The following PPFIA2 variants were observed in gnomAD, a reference collection of about 807,000 sequenced individuals.
PPFIA2 encodes PPFI scaffold protein A2, also known as liprin-alpha-2.
PPFIA2 carries 46 observed loss-of-function variants against 175.5 expected under a neutral mutation model. The observed-to-expected ratio is 0.26, with a 90% CI of 0.21 to 0.34. PPFIA2 has a LOEUF of 0.34. Among genes scored for constraint, PPFIA2 ranks in the 10% least tolerant of loss-of-function variants. PPFIA2 has a pLI of 1.00. For missense variants in PPFIA2, 1,179 were observed against 1,506.1 expected, an observed-to-expected ratio of 0.78 and a Z score of 3.60; for synonymous variants, 568 against 511.4, an observed-to-expected ratio of 1.11 and a Z score of -1.49.
At chr12:81,728,933 C>T (rs914175349) in intron 3 of PPFIA2, among the ~76,000 whole-genome samples, 2 of 151,344 alleles carry the variant, frequency 1.3e-5, no homozygotes, top group Non-Finnish European at 3.0e-5. Context: ...TAAGGAAATT[C>T]TCAACTCATC....
In PPFIA2 at chr12:81,358,167, A is replaced by G; in HGVS notation, c.1688T>C (p.Val563Ala). The G allele has an allele frequency of 1.3e-6, 2 of 1,596,942 alleles. No individual in the cohort carries two copies. The highest frequency in any genetic ancestry group is 1.7e-6 in the Non-Finnish European group (2 of 1,171,008). ...TGTTCTGTAATCAGACTGGCTGTCC[A>G]CTAGGGATCCCACTGAGTACCGCAA... ...AELRYSVGSL[V>A]DSQSDYRTTK... The change falls in exon 16 of 33, where the codon GTG becomes GCG. Residue 563 changes from valine (V) to alanine (A), a missense_variant. Val to Ala is a moderately conservative substitution (Grantham distance 64, BLOSUM62 0). Around this residue, in one of 10 missense-constraint regions of PPFIA2, gnomAD observed 186 missense variants for 163.6 expected, o/e 1.14. Transcript: ENST00000549396.
chr12:81,268,302 C>T (rs534431621), intron 28 of PPFIA2, among the ~76,000 whole-genome samples: 36 of 151,236 alleles, frequency 2.4e-4, no homozygotes, highest in African/African-American at 8.7e-4. Context: ...CTACGCCCGG[C>T]TAATTTTTTG....
At chr12:81,358,034 C>T (rs11835074) in intron 16 of PPFIA2, 48 bp downstream of exon 16, 378,833 of 1,444,974 alleles carry the variant, frequency 0.26, 57,026 homozygotes, top group African/African-American at 0.61. Flanking sequence ...AAAAATGAAA[C>T]TATGTATTTA....
At chr12:81,445,218 AGG>A (rs796127107) in intron 6 of PPFIA2, among the ~76,000 whole-genome samples, 10,223 of 46,114 alleles carry the variant, frequency 0.22, 285 homozygotes, top group Middle Eastern at 0.32. Flanking sequence ...GGGGGGGGGG[AGG>A]GGGGAGAGAG....
At chr12:81,536,361 T>G (rs2065373063) in intron 4 of PPFIA2, among the ~76,000 whole-genome samples, 1 of 151,614 alleles carries the variant, frequency 6.6e-6, no homozygotes, top group African/African-American at 2.4e-5. Context: ...TCTGAAACTT[T>G]TATGGTGCTT....
In PPFIA2 at chr12:81,582,368, TG is replaced by T. The variant is rs541019762; in HGVS notation, c.303+94422del. Among the ~76,000 whole-genome samples, 25 of 152,004 alleles carry T rather than the reference TG, an allele frequency of 1.6e-4. No individual in the cohort carries two copies. The East Asian group carries it at 4.3e-3, about 26-fold the overall frequency. ...CTATTTTTCACTTAGTAAATTATAT[TG>T]GCAGCATTTCATATTAAATATTTCT... is the stretch of plus-strand genomic sequence containing the variant. On this transcript the variant is annotated intron_variant, in intron 4 of 32. Transcript: ENST00000549396.
chr12:81,701,202 T>A (rs1454217013), intron 3 of PPFIA2, among the ~76,000 whole-genome samples: 2 of 152,162 alleles, frequency 1.3e-5, no homozygotes, highest in African/African-American at 4.8e-5. Flanking sequence ...TTGGAAAGAT[T>A]AAATGAAATG....
At chr12:81,722,241 T>TA (rs1010853273) in intron 3 of PPFIA2, among the ~76,000 whole-genome samples, 1 of 151,070 alleles carries the variant, frequency 6.6e-6, no homozygotes, top group Non-Finnish European at 1.5e-5. Flanking sequence ...AGATTAATCT[T>TA]AACAAAAAAA....
chr12:81,318,063 C>T (rs2052803649), intron 22 of PPFIA2, among the ~76,000 whole-genome samples: 1 of 151,714 alleles, frequency 6.6e-6, no homozygotes. Context: ...TAACCCCTGA[C>T]TTCTGGCCTA....
intron 11 of PPFIA2, among the ~76,000 whole-genome samples, chr12:81,372,969 G>C (rs1218577373): frequency 4.0e-5 from 6 of 151,440 alleles, no homozygotes; most frequent in African/African-American, 1.5e-4. Flanking sequence ...TAACAGACTA[G>C]ACAAGATAAG....
chr12:81,369,234 T>G, intron 11 of PPFIA2, 40 bp from the exon 12 acceptor site: 1 of 1,590,748 alleles, frequency 6.3e-7, no homozygotes. Flanking sequence ...AATGTAAGAT[T>G]TGGTTAACAC....
chr12:81,685,465 C>T (rs2074301123), intron 3 of PPFIA2, among the ~76,000 whole-genome samples: 1 of 152,014 alleles, frequency 6.6e-6, no homozygotes, highest in South Asian at 2.1e-4. Context: ...TGAGTATAGG[C>T]CAGCCTGAAT....
chr12:81,483,846 A>T (rs116941302), intron 4 of PPFIA2, among the ~76,000 whole-genome samples: 13,105 of 152,090 alleles, frequency 0.086, 808 homozygotes, highest in Middle Eastern at 0.14. Context: ...TCTGCTGTAC[A>T]CTTGGGAACT....
At chr12:81,564,590 C>A (rs1407092911) in intron 4 of PPFIA2, among the ~76,000 whole-genome samples, 2 of 152,100 alleles carry the variant, frequency 1.3e-5, no homozygotes, top group African/African-American at 4.8e-5. Flanking sequence ...CACTGATAGT[C>A]CTTGGTGTGA....
rs1239002631 is a variant in PPFIA2 at position 81,642,783 on chromosome 12, A to ATACATACATGTATATGTATGTATGTAT, written c.303+33981_303+34007dup. 1.1e-3 allele frequency among the ~76,000 whole-genome samples: 110 copies of ATACATACATGTATATGTATGTATGTAT among 101,012 alleles called. 17 individuals carry two copies. The highest frequency in any genetic ancestry group is 1.9e-3 in the Non-Finnish European group (97 of 49,984). The allele number at this position is 101,012 out of a possible 152,430, so 66.3% of individuals were successfully genotyped here. On this transcript the variant is annotated intron_variant, in intron 4 of 32. Transcript: ENST00000549396. ...ACATGTATATGTATGTATGTATTAT[A>ATACATACATGTATATGTATGTATGTAT]TACATACATGTATATGTATGTATGT... is the stretch of plus-strand genomic sequence containing the variant.
chr12:81,754,318 A>T (rs1189265355), intron 2 of PPFIA2, 95 bp from the exon 3 acceptor site: 8 of 1,440,110 alleles, frequency 5.6e-6, no homozygotes, highest in Non-Finnish European at 7.5e-6. Context: ...TCAGCTTATT[A>T]GCCTATTTGT....
In PPFIA2 at chr12:81,608,550, A is replaced by G. The variant is rs552602378; in HGVS notation, c.303+68241T>C. Among the ~76,000 whole-genome samples, 95 of 151,920 alleles carry G rather than the reference A, an allele frequency of 6.3e-4. 4 individuals carry two copies. In the South Asian group the frequency reaches 0.019, roughly 30 times the overall value. ...ATTGTATGTTTCCAAGCATTTATCT[A>G]TTTCTTCTAGATTTTAAAATTTGTG... On this transcript the variant is annotated intron_variant, in intron 4 of 32. Coordinates refer to ENST00000549396, the MANE Select transcript of PPFIA2 (RefSeq NM_003625.5).
At chr12:81,464,824 T>G (rs947069290) in intron 4 of PPFIA2, among the ~76,000 whole-genome samples, 1 of 151,830 alleles carries the variant, frequency 6.6e-6, no homozygotes, top group African/African-American at 2.4e-5. Flanking sequence ...CATTCTATTT[T>G]TATACAGGTT....
intron 4 of PPFIA2, among the ~76,000 whole-genome samples, chr12:81,593,731 G>A (rs996623098): frequency 6.6e-6 from 1 of 152,168 alleles, no homozygotes; most frequent in Non-Finnish European, 1.5e-5. Flanking sequence ...TTTCCAGTGG[G>A]CACTTTGAGT....
Sources: allele counts gnomAD v4.1 joint callset (sites outside exome capture counted in the v4.1 genomes callset), GRCh38; gene constraint gnomAD v4.1.1; regional missense constraint gnomAD v4.1.1; transcripts MANE v1.5; gene names NCBI Gene and HGNC (gene_info 2026-07-23, HGNC 2026-07-21).